KITLG: variants seen among roughly 807,000 people sequenced by gnomAD.
The protein encoded by KITLG is KIT ligand.
Under a neutral mutation model 34.1 loss-of-function variants are expected in KITLG, and 13 were observed. That is an observed-to-expected ratio of 0.38 (90% CI 0.25 to 0.61). KITLG has a LOEUF of 0.61. Among genes scored for constraint, KITLG ranks in the 20% least tolerant of loss-of-function variants. The probability of loss-of-function intolerance (pLI) is 0.60; values close to 1 mark genes in which losing one functional copy is unlikely to be tolerated. For synonymous variants in KITLG, 110 were observed against 104.0 expected (o/e 1.06, Z -0.35); for missense variants, 292 against 318.9 (o/e 0.92, Z 0.64).
chr12:88,549,690 A>G (rs1402009032), intron 1 of KITLG, among the ~76,000 whole-genome samples: 1 of 152,200 alleles, frequency 6.6e-6, no homozygotes, highest in Non-Finnish European at 1.5e-5. Context: ...AGGTCAAGAT[A>G]TTTAAATCTG....
chr12:88,539,198 T>A (rs1870432293), intron 2 of KITLG, among the ~76,000 whole-genome samples: 1 of 152,090 alleles, frequency 6.6e-6, no homozygotes, highest in Non-Finnish European at 1.5e-5. Context: ...CTAAATCTCA[T>A]GAGATCAGTG....
chr12:88,525,752 A>C (rs1296030631), intron 3 of KITLG, among the ~76,000 whole-genome samples: 1 of 152,210 alleles, frequency 6.6e-6, no homozygotes, highest in Non-Finnish European at 1.5e-5. Context: ...ATAAACTAAA[A>C]GATAGGGTCC....
chr12:88,530,826 A>T (rs988683421), intron 3 of KITLG, among the ~76,000 whole-genome samples: 1 of 152,200 alleles, frequency 6.6e-6, no homozygotes, highest in African/African-American at 2.4e-5. Flanking sequence ...TAATAAAAAG[A>T]AATGTAGCTT....
chr12:88,573,736 G>A (rs1871734249), intron 1 of KITLG, among the ~76,000 whole-genome samples: 1 of 152,228 alleles, frequency 6.6e-6, no homozygotes, highest in South Asian at 2.1e-4. Context: ...GGTTTGCACA[G>A]GGATGCAATT....
Position 88,506,344 on chromosome 12 carries a change from T to C in KITLG, c.749A>G (p.Asn250Ser), listed in dbSNP as rs1566018449. The C allele has an allele frequency of 1.2e-6, 2 of 1,610,664 alleles. No individual in the cohort carries two copies. The highest frequency in any genetic ancestry group is 1.7e-6 in the Non-Finnish European group (2 of 1,176,898). Residue 250 changes from asparagine to serine, a missense_variant, in exon 8 of 10, where the codon AAT (asparagine) becomes AGT (serine). Asn to Ser is a conservative substitution (Grantham distance 46). Transcript: ENST00000644744. ...ATTATCCTCTTCATTAATTTGTATA[T>C]TTTCAACTGCCCTTGTAAGACTTGG... ...RQPSLTRAVE[N>S]IQINEEDNEI...
intron 4 of KITLG, among the ~76,000 whole-genome samples, chr12:88,517,806 A>G (rs1290001662): frequency 6.6e-6 from 1 of 152,134 alleles, no homozygotes; most frequent in Non-Finnish European, 1.5e-5. Context: ...ATGGGATTGA[A>G]GTTGGGTCTT....
chr12:88,507,586 G>T (rs1234415582), intron 6 of KITLG, among the ~76,000 whole-genome samples: 2 of 152,098 alleles, frequency 1.3e-5, no homozygotes, highest in African/African-American at 4.8e-5. Flanking sequence ...TTGGACTGTT[G>T]AAAATATTAA....
chr12:88,515,313 C>G (rs1247035485), intron 6 of KITLG, among the ~76,000 whole-genome samples: 1 of 151,766 alleles, frequency 6.6e-6, no homozygotes, highest in Non-Finnish European at 1.5e-5. Flanking sequence ...TTTAAAATAA[C>G]CTCAGCAGAA....
At chr12:88,566,043 G>A (rs2120968795) in intron 1 of KITLG, among the ~76,000 whole-genome samples, 1 of 152,260 alleles carries the variant, frequency 6.6e-6, no homozygotes, top group Non-Finnish European at 1.5e-5. Flanking sequence ...CCTTAAGAAT[G>A]GCAAGCAATG....
chr12:88,551,881 A>C (rs537402266), intron 1 of KITLG, among the ~76,000 whole-genome samples: 1 of 152,214 alleles, frequency 6.6e-6, no homozygotes, highest in East Asian at 1.9e-4. Context: ...CCTGGGTCCA[A>C]TCTAATCCCC....
At chr12:88,556,926 T>C (rs966464849) in intron 1 of KITLG, among the ~76,000 whole-genome samples, 4 of 152,194 alleles carry the variant, frequency 2.6e-5, no homozygotes, top group African/African-American at 9.7e-5. Flanking sequence ...TTAATGGAGC[T>C]GACCTTAATG....
chr12:88,539,748 T>C (rs1270235454), intron 2 of KITLG, among the ~76,000 whole-genome samples: 2 of 151,504 alleles, frequency 1.3e-5, no homozygotes, highest in Non-Finnish European at 1.5e-5. Flanking sequence ...AAAGTGAGAG[T>C]CCATCTCAAG....
intron 1 of KITLG, among the ~76,000 whole-genome samples, chr12:88,579,149 G>T (rs1265446793): frequency 3.3e-5 from 5 of 152,148 alleles, no homozygotes; most frequent in Non-Finnish European, 7.3e-5. Context: ...TTTAAAATAT[G>T]ATGCTAAGCA....
At chr12:88,570,743 A>G (rs1871621558) in intron 1 of KITLG, among the ~76,000 whole-genome samples, 2 of 151,966 alleles carry the variant, frequency 1.3e-5, no homozygotes, top group African/African-American at 2.4e-5. Context: ...CAGGGTTTTT[A>G]TTTTTCTTTG....
rs1203842592 is a variant in KITLG, at chr12:88,496,681, A to T, written c.*538T>A. 6.6e-6 allele frequency: 1 copy of T among 152,604 alleles called. No homozygotes were observed. Among genetic ancestry groups the T allele is most frequent in the Non-Finnish European group, 1.5e-5 (1 of 68,060 alleles). The allele number at this position is 152,604 out of a possible 1,614,324, so 9.5% of individuals were successfully genotyped here. A position where few individuals can be genotyped will look rare whatever the true frequency, so the allele number is the denominator to read the frequency against. On this transcript the variant is annotated 3_prime_UTR_variant, in exon 10 of 10. Coordinates refer to ENST00000644744, the MANE Select transcript of KITLG (RefSeq NM_000899.5). ...AGCTGACATGTTGCCAAATCCAATC[A>T]CAGTTCCCACTGCTTTCTACACTGT...
At chr12:88,535,646 GTA>G (rs1870286795) in intron 2 of KITLG, among the ~76,000 whole-genome samples, 1 of 152,162 alleles carries the variant, frequency 6.6e-6, no homozygotes, top group Non-Finnish European at 1.5e-5. Context: ...AAGTCAAGTT[GTA>G]GATATTTGTG....
chr12:88,539,769 A>T (rs750841306), intron 2 of KITLG, among the ~76,000 whole-genome samples: 90 of 152,124 alleles, frequency 5.9e-4, no homozygotes, highest in Non-Finnish European at 1.0e-3. Context: ...AAAAAAATTT[A>T]AAAAATTAGT....
At chr12:88,517,679 A>T (rs1007630519) in intron 4 of KITLG, among the ~76,000 whole-genome samples, 53 of 152,292 alleles carry the variant, frequency 3.5e-4, no homozygotes, top group Admixed American at 3.3e-3. Context: ...ATGCAGTAGT[A>T]ATATGAAAGA....
At chr12:88,513,127 G>A (rs1869337701) in intron 6 of KITLG, among the ~76,000 whole-genome samples, 1 of 151,800 alleles carries the variant, frequency 6.6e-6, no homozygotes, top group South Asian at 2.1e-4. Context: ...ATATGTCAAT[G>A]ATGACACAAA....
Sources: gnomAD v4.1 joint callset for allele counts (sites outside exome capture counted in the v4.1 genomes callset) on GRCh38, gnomAD v4.1.1 for gene constraint, MANE v1.5 for transcripts, NCBI Gene and HGNC (gene_info 2026-07-23, HGNC 2026-07-21) for gene names.